The following AGAP1 variants were observed in gnomAD, a reference collection of about 807,000 sequenced individuals.
The protein encoded by AGAP1 is arf-GAP with GTPase, ANK repeat and PH domain-containing protein 1.
A neutral mutation model predicts 105.3 loss-of-function variants in AGAP1; 29 were observed. The observed-to-expected ratio is 0.28, with a 90% CI of 0.21 to 0.38. The LOEUF is 0.38. AGAP1 is among the 10% of genes least tolerant of loss of function. AGAP1 has a pLI of 1.00. For missense variants in AGAP1, 998 were observed against 1,165.1 expected (o/e 0.86, Z 2.09); for synonymous variants, 509 against 485.9 (o/e 1.05, Z -0.63).
chr2:235,819,844 A>G (rs763436944), intron 9 of AGAP1, among the ~76,000 whole-genome samples: 1 of 150,660 alleles, frequency 6.6e-6, no homozygotes, highest in Non-Finnish European at 1.5e-5. Context: ...TGCTGGTGGT[A>G]GTAGCACTAG....
In AGAP1 at chr2:235,904,204, G is replaced by A. The variant is rs554775473; in HGVS notation, c.1156-4534G>A. Among the ~76,000 whole-genome samples, 49 of 152,212 alleles carry A rather than the reference G, an allele frequency of 3.2e-4. No individual in the cohort carries two copies. Among genetic ancestry groups the A allele is most frequent in the Non-Finnish European group, 4.0e-4 (27 of 68,030 alleles). On this transcript the variant is annotated intron_variant, in intron 10 of 17. Transcript: ENST00000304032. The surrounding 1 kb of genome is among the most constrained non-coding windows in gnomAD (Gnocchi z 4.2). ...GCTAATTAAGTGTACGGCAATAGATGCAACATAATTAGGAGCGAAATGTAA... is the reference window on the plus strand; with the variant it reads ...GCTAATTAAGTGTACGGCAATAGATACAACATAATTAGGAGCGAAATGTAA...
intron 1 of AGAP1, among the ~76,000 whole-genome samples, chr2:235,561,202 T>A (rs1156477674): frequency 6.6e-6 from 1 of 152,210 alleles, no homozygotes; most frequent in African/African-American, 2.4e-5. Flanking sequence ...ATGAGGAGGC[T>A]TCAGTGAATT....
intron 12 of AGAP1, among the ~76,000 whole-genome samples, chr2:235,954,263 G>A (rs1295584258): frequency 6.6e-6 from 1 of 151,234 alleles, no homozygotes; most frequent in South Asian, 2.1e-4. Flanking sequence ...AAAATCAGAG[G>A]GACACAGCCA....
At position 235,574,941 on chromosome 2, in the gene AGAP1, G is replaced by A. The variant is rs1657399608; in HGVS notation, c.163+80092G>A. 6.6e-6 allele frequency among the ~76,000 whole-genome samples: 1 copy of A among 152,142 alleles called. No individual in the cohort carries two copies. The highest frequency in any genetic ancestry group is 2.4e-5 in the African/African-American group (1 of 41,426). On this transcript the variant is annotated intron_variant, in intron 1 of 17. Transcript: ENST00000304032. This position sits in a 1 kb window ranked among gnomAD's most constrained non-coding sequence, Gnocchi z 5.0. ...AGTTCGACACCAGCCTAGGCAACAT[G>A]GCAAAGCCCTGACTCTTCCAAACAT... is the stretch of plus-strand genomic sequence containing the variant.
rs1952433067 is a variant in AGAP1 at position 235,739,191 on chromosome 2, G to C, written c.311-1772G>C. ...CGAGGTGGGGCAAGACTACACAGCTGTATGTGGCAGAGCCAGGGTTCAGGC... is the reference window on the plus strand; with the variant it reads ...CGAGGTGGGGCAAGACTACACAGCTCTATGTGGCAGAGCCAGGGTTCAGGC... On this transcript the variant is annotated intron_variant, in intron 3 of 17. Transcript: ENST00000304032. The surrounding 1 kb of genome is among the most constrained non-coding windows in gnomAD (Gnocchi z 5.3). Among the ~76,000 whole-genome samples, 3 of 152,220 alleles carry C rather than the reference G, an allele frequency of 2.0e-5. No homozygotes were observed. The highest frequency in any genetic ancestry group is 6.5e-5 in the Admixed American group (1 of 15,282).
chr2:236,004,741 C>G (rs374801723), intron 13 of AGAP1, among the ~76,000 whole-genome samples: 1 of 152,176 alleles, frequency 6.6e-6, no homozygotes, highest in Non-Finnish European at 1.5e-5. Context: ...TTGGGGCAGC[C>G]TTTCGAGTTG....
chr2:235,812,098 CTCCA>C (rs955951324), intron 9 of AGAP1, among the ~76,000 whole-genome samples: 1 of 152,102 alleles, frequency 6.6e-6, no homozygotes, highest in African/African-American at 2.4e-5. Context: ...GCGGGGGACC[CTCCA>C]TCAGGCACGC....
At chr2:236,067,549 G>A (rs182593322) in intron 16 of AGAP1, among the ~76,000 whole-genome samples, 1 of 152,272 alleles carries the variant, frequency 6.6e-6, no homozygotes, top group African/African-American at 2.4e-5. Flanking sequence ...TATTGAGCTA[G>A]CCCATTTGAG....
intron 3 of AGAP1, among the ~76,000 whole-genome samples, chr2:235,735,198 G>A (rs1043348858): frequency 7.2e-5 from 11 of 152,178 alleles, no homozygotes; most frequent in African/African-American, 2.4e-4. Flanking sequence ...CATAGCTGTC[G>A]CTTGGAGGAC....
At chr2:236,102,181 G>A (rs1024579782) in intron 16 of AGAP1, among the ~76,000 whole-genome samples, 1 of 152,150 alleles carries the variant, frequency 6.6e-6, no homozygotes, top group African/African-American at 2.4e-5. Context: ...ACTTTGGGAG[G>A]CCAAGGCGGG....
Position 235,913,510 on chromosome 2 carries a change from T to A in AGAP1, c.1324+4604T>A, listed in dbSNP as rs77994669. 1.1e-3 allele frequency among the ~76,000 whole-genome samples: 164 copies of A among 152,070 alleles called. 1 individual carries two copies. The highest frequency in any genetic ancestry group is 3.9e-3 in the African/African-American group (160 of 41,524). On this transcript the variant is annotated intron_variant, in intron 11 of 17. Coordinates refer to ENST00000304032, the MANE Select transcript of AGAP1 (RefSeq NM_001037131.3). ...TGTAGAACTCAATCACTTCATCAAA[T>A]GGGCTGTGTTTCTGGCCTCTCAGAT...
Position 235,998,213 on chromosome 2 carries a change from A to G in AGAP1, c.1645+29590A>G, listed in dbSNP as rs569102600. The stretch of plus-strand genomic sequence containing the variant: ...TGGCCGAGGTACAATTAACTGACTT[A>G]CCCTGATGCTGCTCAGAGCCTCTTT... On this transcript the variant is annotated intron_variant, in intron 13 of 17. Transcript: ENST00000304032. Among the ~76,000 whole-genome samples, 11 of 152,298 alleles carry G rather than the reference A, an allele frequency of 7.2e-5. No individual in the cohort carries two copies. The South Asian group carries it at 1.7e-3, about 23-fold the overall frequency.
rs151049866 is a variant in AGAP1 at position 235,784,706 on chromosome 2, A to T, written c.674-13053A>T. 1.6e-3 allele frequency among the ~76,000 whole-genome samples: 242 copies of T among 152,084 alleles called. 1 individual carries two copies. Among genetic ancestry groups the T allele is most frequent in the African/African-American group, 5.1e-3 (212 of 41,474 alleles). On this transcript the variant is annotated intron_variant, in intron 6 of 17. Transcript: ENST00000304032. ...TTTACCTGGTTTATATGTTAATCAT[A>T]TAGAATTTAGATCGTTTTAAAAATG...
rs551777088 is a variant in AGAP1, at chr2:236,051,116, C to T, written c.2114+1835C>T. 2.6e-5 allele frequency among the ~76,000 whole-genome samples: 4 copies of T among 152,254 alleles called. No individual in the cohort carries two copies. Among genetic ancestry groups the T allele is most frequent in the Admixed American group, 6.5e-5 (1 of 15,300 alleles). On this transcript the variant is annotated intron_variant, in intron 16 of 17. Coordinates refer to ENST00000304032, the MANE Select transcript of AGAP1 (RefSeq NM_001037131.3). This position sits in a 1 kb window ranked among gnomAD's most constrained non-coding sequence, Gnocchi z 5.9. ...ACACTGGCTTTCCTAAAGAGCAGGCCGAGTTGTAATTCCTCTCCAAGACTG... is the reference window on the plus strand; with the variant it reads ...ACACTGGCTTTCCTAAAGAGCAGGCTGAGTTGTAATTCCTCTCCAAGACTG...
At position 236,125,792 on chromosome 2, in the gene AGAP1, T is replaced by C. The variant is rs2059994991; in HGVS notation, c.*1670T>C. ...AGACGTCCGCCGCCTTCAGTGGTGG[T>C]AGTCAAATGTAGTCAACCAAACCAC... On this transcript the variant is annotated 3_prime_UTR_variant, in exon 18 of 18. Coordinates refer to ENST00000304032, the MANE Select transcript of AGAP1 (RefSeq NM_001037131.3). The surrounding 1 kb of genome is among the most constrained non-coding windows in gnomAD (Gnocchi z 5.2). 6.6e-6 allele frequency: 1 copy of C among 152,134 alleles called. No individual in the cohort carries two copies. The highest frequency in any genetic ancestry group is 1.5e-5 in the Non-Finnish European group (1 of 68,030). The allele number at this position is 152,134 out of a possible 1,614,324, so 9.4% of individuals were successfully genotyped here.
chr2:235,713,308 T>C (rs1950942956), intron 2 of AGAP1, among the ~76,000 whole-genome samples: 1 of 152,200 alleles, frequency 6.6e-6, no homozygotes, highest in Non-Finnish European at 1.5e-5. Context: ...TCTCCGATTA[T>C]AGAGGCCCAG....
At position 236,036,887 on chromosome 2, in the gene AGAP1, A is replaced by G. The variant is rs144760604; in HGVS notation, c.1800+172A>G. Among the ~76,000 whole-genome samples, 2 of 152,370 alleles carry G rather than the reference A, an allele frequency of 1.3e-5. No individual in the cohort carries two copies. Among genetic ancestry groups the G allele is most frequent in the South Asian group, 2.1e-4 (1 of 4,826 alleles). ...AAACGATCAGAAGCACTTTGTGTCT[A>G]TACCATCATACATGAGTATTCCAGC... On this transcript the variant is annotated intron_variant, in intron 14 of 17. Transcript: ENST00000304032. The surrounding 1 kb of genome is among the most constrained non-coding windows in gnomAD (Gnocchi z 5.7).
intron 1 of AGAP1, among the ~76,000 whole-genome samples, chr2:235,658,361 G>A (rs1234920756): frequency 6.6e-6 from 1 of 152,210 alleles, no homozygotes; most frequent in Admixed American, 6.5e-5. Context: ...AGAAATAAGC[G>A]ATTTTTCCAA....
At position 236,120,435 on chromosome 2, in the gene AGAP1, G is replaced by T; in HGVS notation, c.2358G>T (p.Gln786His). Reference sequence around the variant, plus strand: ...GCAAGGGGAATGTGGTCCTGGCGCAGCTCCTGATCTGGGTAGGTGGTCGGC... The same window carrying T: ...GCAAGGGGAATGTGGTCCTGGCGCATCTCCTGATCTGGGTAGGTGGTCGGC... The part of the protein sequence containing the change: ...ACRKGNVVLA[Q>H]LLIWYGVDVT... Residue 786 changes from glutamine to histidine, a missense_variant, in exon 17 of 18, where the codon CAG becomes CAT. This residue lies in a region of AGAP1 where 235 missense variants were observed against 270.7 expected (regional missense o/e 0.87). Coordinates refer to ENST00000304032, the MANE Select transcript of AGAP1 (RefSeq NM_001037131.3). The surrounding 1 kb of genome is among the most constrained non-coding windows in gnomAD (Gnocchi z 6.0). 6.2e-7 allele frequency: 1 copy of T among 1,611,430 alleles called. No individual in the cohort carries two copies.
Sources: gnomAD v4.1 joint callset for allele counts (sites outside exome capture counted in the v4.1 genomes callset) on GRCh38, gnomAD v4.1.1 for gene constraint, gnomAD v4.1.1 regional missense constraint, Gnocchi (gnomAD v3.1) non-coding constraint, MANE v1.5 for transcripts, NCBI Gene and HGNC (gene_info 2026-07-23, HGNC 2026-07-21) for gene names.